The following SLC38A4 variants were observed in gnomAD, a reference collection of about 807,000 sequenced individuals.
SLC38A4 encodes solute carrier family 38 member 4, also known as sodium-coupled neutral amino acid transporter 4.
SLC38A4 carries 20 observed loss-of-function variants against 63.1 expected under a neutral mutation model. The observed-to-expected ratio is 0.32, with a 90% CI of 0.22 to 0.46. The LOEUF (loss-of-function observed/expected upper bound fraction) is 0.46, where lower values mean the gene tolerates loss of function less well. Ranked by LOEUF, SLC38A4 falls within the 20% of genes least tolerant of loss-of-function variation. The pLI, the probability that SLC38A4 is intolerant of heterozygous loss-of-function variation, is 1.00. For synonymous variants in SLC38A4, 230 were observed against 225.5 expected, an observed-to-expected ratio of 1.02 and a Z score of -0.18; for missense variants, 526 against 663.6, an observed-to-expected ratio of 0.79 and a Z score of 2.28.
chr12:46,767,923 C>A (rs1048631037), intron 16 of SLC38A4, among the ~76,000 whole-genome samples: 1 of 152,102 alleles, frequency 6.6e-6, no homozygotes, highest in African/African-American at 2.4e-5. Context: ...TTTGGCTTTG[C>A]AAACCTAACA....
chr12:46,791,885 G>C (rs752737185), intron 3 of SLC38A4, among the ~76,000 whole-genome samples: 1 of 152,058 alleles, frequency 6.6e-6, no homozygotes, highest in Non-Finnish European at 1.5e-5. Flanking sequence ...GAGAAAGGGG[G>C]AGCAGGTGAC....
intron 1 of SLC38A4, among the ~76,000 whole-genome samples, chr12:46,831,935 G>C (rs963210300): frequency 6.6e-6 from 1 of 152,086 alleles, no homozygotes; most frequent in Non-Finnish European, 1.5e-5. Flanking sequence ...CCCAGTGCGG[G>C]AGGCGGAGGT....
At chr12:46,820,336 C>G (rs1939516955) in intron 1 of SLC38A4, among the ~76,000 whole-genome samples, 1 of 151,962 alleles carries the variant, frequency 6.6e-6, no homozygotes, top group African/African-American at 2.4e-5. Flanking sequence ...TCTCCATTCC[C>G]CACTTCTTCC....
intron 3 of SLC38A4, among the ~76,000 whole-genome samples, chr12:46,789,688 AG>A (rs1364380003): frequency 6.6e-6 from 1 of 152,224 alleles, no homozygotes; most frequent in Non-Finnish European, 1.5e-5. Flanking sequence ...TAATTTTAAA[AG>A]TGCTTTCAAA....
Position 46,769,331 on chromosome 12 carries a change from A to G in SLC38A4, c.1397T>C (p.Val466Ala). 1 of 1,613,474 alleles carries G rather than the reference A, an allele frequency of 6.2e-7. No individual in the cohort carries two copies. Among genetic ancestry groups the G allele is most frequent in the Non-Finnish European group, 8.5e-7 (1 of 1,179,558 alleles). ...IAAVLIALNN[V>A]LVILVPTIKY... ...TATAGTTGGCACAAGGATGACCAGAACATTATTAAGTGCAATAAGCACAGC... is the reference window on the plus strand; with the variant it reads ...TATAGTTGGCACAAGGATGACCAGAGCATTATTAAGTGCAATAAGCACAGC... Residue 466 changes from valine (V) to alanine (A), a missense_variant, in exon 15 of 17, where the codon GTT (valine) becomes GCT (alanine). Physicochemically the swap from Val to Ala is moderately conservative, Grantham distance 64. Coordinates refer to ENST00000266579, the MANE Select transcript of SLC38A4 (RefSeq NM_018018.5).
chr12:46,772,835 A>G (rs1938446675), intron 14 of SLC38A4, among the ~76,000 whole-genome samples: 1 of 152,062 alleles, frequency 6.6e-6, no homozygotes, highest in South Asian at 2.1e-4. Flanking sequence ...TTTAATTCAG[A>G]TTAGGTTTTG....
intron 1 of SLC38A4, among the ~76,000 whole-genome samples, chr12:46,806,059 G>C (rs1289436019): frequency 6.6e-6 from 1 of 151,682 alleles, no homozygotes; most frequent in African/African-American, 2.4e-5. Flanking sequence ...CACAGACCTT[G>C]AGCCGGCTAT....
chr12:46,820,620 T>C (rs1939524036), intron 1 of SLC38A4, among the ~76,000 whole-genome samples: 1 of 152,122 alleles, frequency 6.6e-6, no homozygotes, highest in Non-Finnish European at 1.5e-5. Context: ...CTATTGTGAA[T>C]AGCGCAGCAA....
At chr12:46,812,873 T>C (rs913200951) in intron 1 of SLC38A4, among the ~76,000 whole-genome samples, 1 of 152,068 alleles carries the variant, frequency 6.6e-6, no homozygotes, top group Non-Finnish European at 1.5e-5. Flanking sequence ...GACATGTCGA[T>C]ATGAAATCTC....
intron 14 of SLC38A4, among the ~76,000 whole-genome samples, chr12:46,773,253 A>G (rs180411): frequency 0.99 from 150,794 of 152,058 alleles, 74,776 homozygotes; most frequent in East Asian, 1. Context: ...TTCAAGACAA[A>G]GCAAGATTCA....
At chr12:46,769,511 G>A in intron 14 of SLC38A4, 83 bp from the exon 15 acceptor site, 1 of 1,433,216 alleles carries the variant, frequency 7.0e-7, no homozygotes. Context: ...TCACTCTAAT[G>A]CATTTTCTTT....
intron 5 of SLC38A4, among the ~76,000 whole-genome samples, chr12:46,786,662 GATT>G (rs1938767557): frequency 6.6e-6 from 1 of 151,992 alleles, no homozygotes; most frequent in African/African-American, 2.4e-5. Flanking sequence ...TTAAAATTCA[GATT>G]ATTAAAATCC....
At chr12:46,829,341 T>G (rs1240255038), upstream of SLC38A4, among the ~76,000 whole-genome samples, 1 of 152,206 alleles carries the variant, frequency 6.6e-6, no homozygotes, top group African/African-American at 2.4e-5. Flanking sequence ...AAGCACATTT[T>G]TTAAAACTGT....
At chr12:46,806,239 A>G (rs1209190618) in intron 1 of SLC38A4, among the ~76,000 whole-genome samples, 1 of 152,028 alleles carries the variant, frequency 6.6e-6, no homozygotes, top group East Asian at 1.9e-4. Context: ...TATTCTGGCA[A>G]CAGTGAGAAT....
At chr12:46,772,575 A>G (rs4768758) in intron 14 of SLC38A4, among the ~76,000 whole-genome samples, 13,553 of 152,120 alleles carry the variant, frequency 0.089, 1,600 homozygotes, top group African/African-American at 0.26. Flanking sequence ...AGAGAAAGAA[A>G]TGTTGGGCTG....
At chr12:46,823,372 A>G (rs984380009) in intron 1 of SLC38A4, among the ~76,000 whole-genome samples, 6 of 152,230 alleles carry the variant, frequency 3.9e-5, no homozygotes, top group Non-Finnish European at 4.4e-5. Context: ...AAAATAAAAT[A>G]CATTATAAAG....
chr12:46,767,568 G>C (rs559549389), intron 16 of SLC38A4, among the ~76,000 whole-genome samples: 1 of 152,148 alleles, frequency 6.6e-6, no homozygotes, highest in African/African-American at 2.4e-5. Flanking sequence ...AAGCTGCTGG[G>C]TGGACCTTTT....
At chr12:46,824,809 C>T (rs1939614560) in intron 1 of SLC38A4, among the ~76,000 whole-genome samples, 1 of 152,160 alleles carries the variant, frequency 6.6e-6, no homozygotes, top group Non-Finnish European at 1.5e-5. Context: ...ATGCAAGATA[C>T]AGGTGGAAGT....
intron 1 of SLC38A4, among the ~76,000 whole-genome samples, chr12:46,813,518 G>C (rs1939379854): frequency 6.6e-6 from 1 of 152,008 alleles, no homozygotes; most frequent in African/African-American, 2.4e-5. Flanking sequence ...CCTTAGATAA[G>C]TCAAGTTAAC....
Sources: allele counts gnomAD v4.1 joint callset (sites outside exome capture counted in the v4.1 genomes callset), GRCh38; gene constraint gnomAD v4.1.1; transcripts MANE v1.5; gene names NCBI Gene and HGNC (gene_info 2026-07-23, HGNC 2026-07-21).